Variants in GABRG3 observed in about 807,000 individuals in gnomAD.
The protein encoded by GABRG3 is gamma-aminobutyric acid receptor subunit gamma-3.
Under a neutral mutation model 48.8 loss-of-function variants are expected in GABRG3, and 25 were observed. That is an observed-to-expected ratio of 0.51 (90% confidence interval 0.37 to 0.72). The LOEUF (loss-of-function observed/expected upper bound fraction) is 0.72, where lower values mean the gene tolerates loss of function less well. Ranked by LOEUF, GABRG3 falls within the 30% of genes least tolerant of loss-of-function variation. The pLI is 0.00. For missense variants in GABRG3, 394 were observed against 577.9 expected, an observed-to-expected ratio of 0.68 and a Z score of 3.26; for synonymous variants, 227 against 217.6, an observed-to-expected ratio of 1.04 and a Z score of -0.38.
chr15:27,377,803 T>C (rs946055901), intron 5 of GABRG3, among the ~76,000 whole-genome samples: 1 of 152,236 alleles, frequency 6.6e-6, no homozygotes, highest in Non-Finnish European at 1.5e-5. Flanking sequence ...TATAACACTT[T>C]GTAAAGCTTG....
intron 3 of GABRG3, among the ~76,000 whole-genome samples, chr15:27,322,001 C>T (rs1426861975): frequency 6.6e-6 from 1 of 152,188 alleles, no homozygotes; most frequent in Non-Finnish European, 1.5e-5. Flanking sequence ...GGAGGGTCCG[C>T]ATGAGTTTCA....
rs76226704 is a variant in GABRG3, at chr15:27,254,546, G to C, written c.271-72263G>C. 5.3e-3 allele frequency among the ~76,000 whole-genome samples: 812 copies of C among 152,220 alleles called. 21 individuals are homozygous for C. The East Asian group carries it at 0.065, about 12-fold the overall frequency. ...CTCACAGTTTTGGAAGCAGGGAAGT[G>C]CAAGATCAAGGTGCTGGCAGATTCA... On this transcript the variant is annotated intron_variant, in intron 3 of 9. Coordinates refer to ENST00000615808, the MANE Select transcript of GABRG3 (RefSeq NM_033223.5).
intron 5 of GABRG3, among the ~76,000 whole-genome samples, chr15:27,411,153 C>T (rs1028401681): frequency 9.9e-5 from 15 of 152,020 alleles, no homozygotes; most frequent in Non-Finnish European, 1.0e-4. Context: ...CTTGCTTGCC[C>T]GACTAGCGTC....
chr15:27,501,648 G>A (rs1348600927), intron 6 of GABRG3, among the ~76,000 whole-genome samples: 4 of 152,068 alleles, frequency 2.6e-5, no homozygotes, highest in Non-Finnish European at 5.9e-5. Context: ...TAGGACACAC[G>A]ATCTGAGCGG....
chr15:27,170,350 T>G lies in GABRG3; in HGVS notation c.270+143529T>G, dbSNP rs145503331. On this transcript the variant is annotated intron_variant, in intron 3 of 9. Coordinates refer to ENST00000615808, the MANE Select transcript of GABRG3 (RefSeq NM_033223.5). Reference sequence around the variant, plus strand: ...GTAATGTGCACACAAGATGTTCTTTTGTAATAGATACTGATAAATATATAC... The same window carrying G: ...GTAATGTGCACACAAGATGTTCTTTGGTAATAGATACTGATAAATATATAC... Among the ~76,000 whole-genome samples the G allele has an allele frequency of 3.3e-4, 50 of 152,312 alleles. No individual in the cohort carries two copies. The East Asian group carries it at 6.8e-3, about 21-fold the overall frequency.
At chr15:26,979,714 G>A (rs1274681926) in intron 2 of GABRG3, among the ~76,000 whole-genome samples, 2 of 152,148 alleles carry the variant, frequency 1.3e-5, no homozygotes, top group Non-Finnish European at 2.9e-5. Context: ...CATTCCTGGA[G>A]TAAATCCCAC....
At chr15:27,056,115 T>C (rs1454048766) in intron 3 of GABRG3, among the ~76,000 whole-genome samples, 2 of 151,608 alleles carry the variant, frequency 1.3e-5, no homozygotes, top group Admixed American at 6.6e-5. Context: ...TTTGGGAGGC[T>C]GAGGTGGTGG....
intron 5 of GABRG3, among the ~76,000 whole-genome samples, chr15:27,426,770 G>A (rs934555894): frequency 2.6e-5 from 4 of 152,204 alleles, no homozygotes; most frequent in Non-Finnish European, 5.9e-5. Context: ...GCTGTAGTGA[G>A]GTATGATGCT....
intron 3 of GABRG3, among the ~76,000 whole-genome samples, chr15:27,265,881 G>GC (rs147459440): frequency 1.0e-4 from 13 of 124,818 alleles, no homozygotes; most frequent in African/African-American, 4.8e-4. Flanking sequence ...ATTTTCTCCT[G>GC]GTTTTTTTTT....
chr15:27,335,005 T>C (rs1893917712), intron 5 of GABRG3, among the ~76,000 whole-genome samples: 1 of 152,246 alleles, frequency 6.6e-6, no homozygotes, highest in Non-Finnish European at 1.5e-5. Context: ...AAGGCTTGAA[T>C]CTGTGATATA....
intron 5 of GABRG3, among the ~76,000 whole-genome samples, chr15:27,380,770 T>G (rs1895743173): frequency 1.3e-5 from 2 of 149,958 alleles, no homozygotes; most frequent in Non-Finnish European, 3.0e-5. Flanking sequence ...GTGGTTTTTT[T>G]TTTTTTTTTT....
rs1890079254 is a variant in GABRG3, at chr15:27,480,718, T to G, written c.643T>G (p.Ser215Ala). ...TTCAGTGGAGGCAGCTGACCAGAAATCATGGCGGCTTTATCAGTTTGACTT... is the reference window on the plus strand; with the variant it reads ...TTCAGTGGAGGCAGCTGACCAGAAAGCATGGCGGCTTTATCAGTTTGACTT... ...KNSVEAADQK[S>A]WRLYQFDFMG... The change falls in exon 6 of 10, where the codon TCA becomes GCA. Residue 215 changes from serine (S) to alanine (A), a missense_variant. Transcript: ENST00000615808. The G allele has an allele frequency of 6.2e-7, 1 of 1,613,394 alleles. No homozygotes were observed. The highest frequency in any genetic ancestry group is 1.3e-5 in the African/African-American group (1 of 74,922).
chr15:27,279,138 A>G (rs1433966054), intron 3 of GABRG3, among the ~76,000 whole-genome samples: 1 of 152,002 alleles, frequency 6.6e-6, no homozygotes, highest in Admixed American at 6.6e-5. Context: ...TTGTTTTTGT[A>G]TAGTTGGGTT....
intron 3 of GABRG3, among the ~76,000 whole-genome samples, chr15:27,128,554 T>C (rs1342304105): frequency 6.6e-6 from 1 of 152,234 alleles, no homozygotes; most frequent in African/African-American, 2.4e-5. Context: ...CAGAGTATGT[T>C]GTCACTTGCA....
At chr15:27,324,539 G>T (rs1212234905) in intron 3 of GABRG3, among the ~76,000 whole-genome samples, 1 of 152,180 alleles carries the variant, frequency 6.6e-6, no homozygotes, top group East Asian at 1.9e-4. Flanking sequence ...CCATGGTAAA[G>T]TGGGCATTGG....
At chr15:27,155,237 GGTCTTCTTTAT>G (rs1595555620) in intron 3 of GABRG3, among the ~76,000 whole-genome samples, 1 of 152,054 alleles carries the variant, frequency 6.6e-6, no homozygotes, top group East Asian at 1.9e-4. Context: ...TTTTCACTGG[GGTCTTCTTTAT>G]GTCTTCTACT....
At chr15:27,083,951 C>A (rs1193852694) in intron 3 of GABRG3, among the ~76,000 whole-genome samples, 1 of 152,232 alleles carries the variant, frequency 6.6e-6, no homozygotes, top group African/African-American at 2.4e-5. Flanking sequence ...TCACAGTCCA[C>A]CTATGACTTG....
At chr15:27,423,721 CTTTTTTTT>C (rs542775399) in intron 5 of GABRG3, among the ~76,000 whole-genome samples, 5 of 81,786 alleles carry the variant, frequency 6.1e-5, no homozygotes, top group South Asian at 4.7e-4. Context: ...TTTTCTTTTC[CTTTTTTTT>C]TTTTTTTTTT....
intron 3 of GABRG3, among the ~76,000 whole-genome samples, chr15:27,033,888 G>T (rs1254240858): frequency 1.3e-5 from 2 of 152,050 alleles, no homozygotes. Context: ...TGTAAATTTT[G>T]TGACACTTTC....
Sources: gnomAD v4.1 joint callset for allele counts (sites outside exome capture counted in the v4.1 genomes callset) on GRCh38, gnomAD v4.1.1 for gene constraint, MANE v1.5 for transcripts, NCBI Gene and HGNC (gene_info 2026-07-23, HGNC 2026-07-21) for gene names.